Variants in EPHA4 observed in about 807,000 individuals in gnomAD.
The protein encoded by EPHA4 is ephrin type-A receptor 4.
In EPHA4, 19 loss-of-function variants were observed where a neutral mutation model predicts 108.3. The ratio of observed to expected loss-of-function variants is 0.18; its 90% CI spans 0.12 to 0.26. The LOEUF is 0.26. Ranked by LOEUF, EPHA4 falls within the 10% of genes least tolerant of loss-of-function variation. The pLI is 1.00. For synonymous variants in EPHA4, 449 were observed against 455.5 expected, an observed-to-expected ratio of 0.99 and a Z score of 0.18; for missense variants, 917 against 1,254.0, an observed-to-expected ratio of 0.73 and a Z score of 4.06.
At chr2:221,508,403 C>G (rs563282806) in intron 3 of EPHA4, among the ~76,000 whole-genome samples, 21 of 152,036 alleles carry the variant, frequency 1.4e-4, no homozygotes, top group African/African-American at 4.8e-4. Context: ...ACATGGTGAA[C>G]CCTGTCTCTG....
chr2:221,457,123 T>C lies in EPHA4; in HGVS notation c.1444-351A>G, dbSNP rs148713512. 6.2e-3 allele frequency among the ~76,000 whole-genome samples: 942 copies of C among 152,324 alleles called. 9 individuals are homozygous for C. The highest frequency in any genetic ancestry group is 8.8e-3 in the Non-Finnish European group (599 of 68,028). ...ACTGTGAGAAGGTCCCTTATCTTTT[T>C]CTATTTTCTGTCTAGAAAATGTAAA... On this transcript the variant is annotated intron_variant, in intron 6 of 17. Coordinates refer to ENST00000281821, the MANE Select transcript of EPHA4 (RefSeq NM_004438.5).
At chr2:221,489,283 A>G (rs1300186730) in intron 4 of EPHA4, among the ~76,000 whole-genome samples, 2 of 152,364 alleles carry the variant, frequency 1.3e-5, no homozygotes, top group African/African-American at 4.8e-5. Flanking sequence ...GGGTTCTGCC[A>G]AAGGGCTTAA....
chr2:221,429,108 CCT>C (rs1317099253), intron 15 of EPHA4, among the ~76,000 whole-genome samples: 2 of 152,094 alleles, frequency 1.3e-5, no homozygotes, highest in African/African-American at 4.8e-5. Context: ...GAGTGTCTCA[CCT>C]CTCGCAGGCC....
intron 4 of EPHA4, among the ~76,000 whole-genome samples, chr2:221,493,845 C>G (rs1016420052): frequency 1.3e-5 from 2 of 152,178 alleles, no homozygotes; most frequent in Non-Finnish European, 2.9e-5. Context: ...TTTTTCAAAT[C>G]AGGACCTCTG....
chr2:221,480,773 C>T (rs568176686), intron 5 of EPHA4, among the ~76,000 whole-genome samples: 1 of 152,172 alleles, frequency 6.6e-6, no homozygotes, highest in Non-Finnish European at 1.5e-5. Context: ...GCCATTCTAG[C>T]CCCTGCTCAA....
At chr2:221,521,196 G>A (rs1240858618) in intron 3 of EPHA4, among the ~76,000 whole-genome samples, 1 of 152,172 alleles carries the variant, frequency 6.6e-6, no homozygotes, top group South Asian at 2.1e-4. Context: ...GAATGTCAAT[G>A]AACTAATTAT....
chr2:221,555,380 T>C (rs1337295885), intron 3 of EPHA4, among the ~76,000 whole-genome samples: 1 of 152,200 alleles, frequency 6.6e-6, no homozygotes, highest in Non-Finnish European at 1.5e-5. Flanking sequence ...CTGTTTTGCA[T>C]GAGGACGAAT....
At position 221,572,158 on chromosome 2, in the gene EPHA4, C is replaced by T; in HGVS notation, c.91G>A (p.Val31Ile). ...TGSRVYPANE[V>I]TLLDSRSVQG... is the part of the protein sequence containing the mutation. ...CACAGAAAGGCCGTCCCGCTCTTAC[C>T]TTCATTCGCGGGGTATACCCTGGAA... is the stretch of plus-strand genomic sequence containing the variant. The change falls in exon 1 of 18, where the codon GTT (valine) becomes ATT (isoleucine). Residue 31 changes from valine (V) to isoleucine (I), a missense_variant and splice_region_variant. Val to Ile is a conservative substitution (Grantham distance 29, BLOSUM62 3). Around this residue, in one of 3 missense-constraint regions of EPHA4, gnomAD observed 758 missense variants for 1,076.7 expected, o/e 0.70. Transcript: ENST00000281821. 6.2e-7 allele frequency: 1 copy of T among 1,613,466 alleles called. No individual in the cohort carries two copies. Among genetic ancestry groups the T allele is most frequent in the Non-Finnish European group, 8.5e-7 (1 of 1,179,396 alleles).
At chr2:221,440,291 G>A (rs547713760) in intron 11 of EPHA4, among the ~76,000 whole-genome samples, 13 of 152,282 alleles carry the variant, frequency 8.5e-5, no homozygotes, top group South Asian at 4.1e-4. Flanking sequence ...TTTTAGAGGC[G>A]CGGTGGGACT....
intron 3 of EPHA4, among the ~76,000 whole-genome samples, chr2:221,523,189 C>T (rs1298451043): frequency 6.6e-6 from 1 of 152,198 alleles, no homozygotes; most frequent in Non-Finnish European, 1.5e-5. Flanking sequence ...CAAGTAGTTA[C>T]TGGGGCTCTC....
intron 3 of EPHA4, among the ~76,000 whole-genome samples, chr2:221,524,681 G>A (rs1437568436): frequency 6.6e-6 from 1 of 152,196 alleles, no homozygotes; most frequent in Non-Finnish European, 1.5e-5. Flanking sequence ...GTGCAAATAT[G>A]CTTTAACGGC....
At chr2:221,488,519 C>T (rs1420657541) in intron 4 of EPHA4, among the ~76,000 whole-genome samples, 1 of 152,126 alleles carries the variant, frequency 6.6e-6, no homozygotes, top group Admixed American at 6.5e-5. Context: ...AATGAACATC[C>T]ATTCACTTCA....
intron 5 of EPHA4, among the ~76,000 whole-genome samples, chr2:221,476,933 G>T (rs1300815399): frequency 6.6e-6 from 1 of 152,096 alleles, no homozygotes; most frequent in African/African-American, 2.4e-5. Context: ...TTGACAAAGA[G>T]AGTTAACTGA....
At chr2:221,468,759 T>C (rs1173624955) in intron 5 of EPHA4, among the ~76,000 whole-genome samples, 2 of 152,254 alleles carry the variant, frequency 1.3e-5, no homozygotes, top group Non-Finnish European at 2.9e-5. Flanking sequence ...GCCTTGTTCA[T>C]TACTTTATAT....
intron 3 of EPHA4, among the ~76,000 whole-genome samples, chr2:221,551,807 A>G (rs1694171018): frequency 6.6e-6 from 1 of 152,118 alleles, no homozygotes; most frequent in African/African-American, 2.4e-5. Context: ...TCATGCAAAG[A>G]TAATGTTTTC....
At chr2:221,530,775 G>A (rs1303946295) in intron 3 of EPHA4, among the ~76,000 whole-genome samples, 3 of 152,138 alleles carry the variant, frequency 2.0e-5, no homozygotes. Context: ...ATCACAGCAG[G>A]ACATCGTGGT....
chr2:221,530,169 T>C (rs1433447533), intron 3 of EPHA4, among the ~76,000 whole-genome samples: 1 of 152,048 alleles, frequency 6.6e-6, no homozygotes, highest in Non-Finnish European at 1.5e-5. Context: ...TCCCTGCTTT[T>C]TTTTTTTTCT....
intron 11 of EPHA4, among the ~76,000 whole-genome samples, chr2:221,441,853 C>T (rs1690439937): frequency 6.6e-6 from 1 of 152,168 alleles, no homozygotes; most frequent in Non-Finnish European, 1.5e-5. Flanking sequence ...CCTCAAACTC[C>T]TGGGCTCAAG....
At chr2:221,567,786 A>G (rs1476336245) in intron 2 of EPHA4, among the ~76,000 whole-genome samples, 1 of 152,236 alleles carries the variant, frequency 6.6e-6, no homozygotes, top group East Asian at 1.9e-4. Flanking sequence ...TTCTAGCATT[A>G]CAATTTTTGC....
Sources: gnomAD v4.1 joint callset for allele counts (sites outside exome capture counted in the v4.1 genomes callset) on GRCh38, gnomAD v4.1.1 for gene constraint, gnomAD v4.1.1 regional missense constraint, MANE v1.5 for transcripts, NCBI Gene and HGNC (gene_info 2026-07-23, HGNC 2026-07-21) for gene names.